Variants in TTBK2 observed in about 807,000 individuals in gnomAD.
TTBK2 encodes tau tubulin kinase 2.
In TTBK2, 28 loss-of-function variants were observed where a neutral mutation model predicts 110.8. The observed-to-expected ratio is 0.25, with a 90% CI of 0.19 to 0.35. The LOEUF is 0.35. Among genes scored for constraint, TTBK2 ranks in the 10% least tolerant of loss-of-function variants. The probability of loss-of-function intolerance (pLI) is 1.00; values close to 1 mark genes in which losing one functional copy is unlikely to be tolerated. For synonymous variants in TTBK2, 532 were observed against 527.3 expected (o/e 1.01, Z -0.12); for missense variants, 1,369 against 1,500.3 (o/e 0.91, Z 1.45).
At position 42,793,990 on chromosome 15, in the gene TTBK2, A is replaced by T. The variant is rs1272109320; in HGVS notation, c.980+654T>A. Among the ~76,000 whole-genome samples, 4 of 151,058 alleles carry T rather than the reference A, an allele frequency of 2.6e-5. No homozygotes were observed. In the East Asian group the frequency reaches 7.7e-4, roughly 29 times the overall value. On this transcript the variant is annotated intron_variant, in intron 10 of 14. Coordinates refer to ENST00000267890, the MANE Select transcript of TTBK2 (RefSeq NM_173500.4). ...GAGTGTAGTGGCACAATCATAGCCCACTGCAGCCTCTAACTCCTGGGCTCA... is the reference window on the plus strand; with the variant it reads ...GAGTGTAGTGGCACAATCATAGCCCTCTGCAGCCTCTAACTCCTGGGCTCA...
intron 3 of TTBK2, among the ~76,000 whole-genome samples, chr15:42,848,015 T>C (rs1893539958): frequency 6.6e-6 from 1 of 152,050 alleles, no homozygotes; most frequent in African/African-American, 2.4e-5. Context: ...TTGAGTTTAT[T>C]TTTTTTTCTT....
At chr15:42,894,779 C>A (rs1669324986) in intron 1 of TTBK2, among the ~76,000 whole-genome samples, 1 of 151,972 alleles carries the variant, frequency 6.6e-6, no homozygotes, top group African/African-American at 2.4e-5. Context: ...ATAAGAGACC[C>A]ATATCCCTTA....
At chr15:42,844,657 T>C (rs552412333) in intron 3 of TTBK2, among the ~76,000 whole-genome samples, 2 of 152,344 alleles carry the variant, frequency 1.3e-5, no homozygotes, top group East Asian at 3.9e-4. Flanking sequence ...ATCCTGCCAA[T>C]AATGTAAGTA....
chr15:42,866,603 A>C (rs1450694199), intron 3 of TTBK2, among the ~76,000 whole-genome samples: 1 of 152,232 alleles, frequency 6.6e-6, no homozygotes, highest in Non-Finnish European at 1.5e-5. Context: ...AACCAATGAC[A>C]GCAGAATACA....
chr15:42,810,444 G>A (rs1219922989), intron 9 of TTBK2, among the ~76,000 whole-genome samples, 170 bp downstream of exon 9: 1 of 152,092 alleles, frequency 6.6e-6, no homozygotes. Flanking sequence ...TAACACACAC[G>A]CTGACACTCT....
intron 13 of TTBK2, among the ~76,000 whole-genome samples, chr15:42,766,340 T>A (rs1889369891): frequency 6.9e-6 from 1 of 145,842 alleles, no homozygotes; most frequent in South Asian, 2.1e-4. Context: ...GGATAAAGAG[T>A]CAAGACCCAT....
At chr15:42,767,325 G>A (rs1001471652) in intron 13 of TTBK2, among the ~76,000 whole-genome samples, 1 of 152,110 alleles carries the variant, frequency 6.6e-6, no homozygotes, top group Non-Finnish European at 1.5e-5. Context: ...GAATCCAGGA[G>A]CTGGTTTTTT....
chr15:42,773,080 G>C (rs1028736646), intron 13 of TTBK2, among the ~76,000 whole-genome samples: 1 of 152,128 alleles, frequency 6.6e-6, no homozygotes, highest in Non-Finnish European at 1.5e-5. Context: ...ACTCATGCCT[G>C]TAGTCCTAGT....
chr15:42,801,565 C>G (rs1891204953), intron 9 of TTBK2: 1 of 768,272 alleles, frequency 1.3e-6, no homozygotes, highest in Non-Finnish European at 2.4e-6. Context: ...TATACTTGAT[C>G]TAGTACATGC....
At chr15:42,777,291 C>T (rs1047645052) in intron 11 of TTBK2, 49 bp from the exon 12 acceptor site, 12 of 1,557,368 alleles carry the variant, frequency 7.7e-6, no homozygotes, top group Non-Finnish European at 1.1e-5. Flanking sequence ...AGGCAACACA[C>T]ATGAGAGGAA....
chr15:42,903,695 C>A (rs544236362), intron 1 of TTBK2, among the ~76,000 whole-genome samples: 4 of 152,188 alleles, frequency 2.6e-5, no homozygotes, highest in Admixed American at 1.3e-4. Flanking sequence ...AAAAATGGCT[C>A]TCAATGACCC....
intron 10 of TTBK2, among the ~76,000 whole-genome samples, chr15:42,792,500 A>G (rs930240094): frequency 6.6e-6 from 1 of 152,070 alleles, no homozygotes; most frequent in Non-Finnish European, 1.5e-5. Context: ...GAAATTCATC[A>G]TCTGATCTAT....
At chr15:42,874,759 G>A (rs368811681) in intron 2 of TTBK2, among the ~76,000 whole-genome samples, 31 of 151,102 alleles carry the variant, frequency 2.1e-4, no homozygotes, top group African/African-American at 3.6e-4. Context: ...AGGCCGAGGC[G>A]GGCGGATCAT....
intron 2 of TTBK2, among the ~76,000 whole-genome samples, chr15:42,878,270 C>T (rs1424990884): frequency 2.0e-5 from 3 of 151,892 alleles, no homozygotes; most frequent in Non-Finnish European, 4.4e-5. Flanking sequence ...GCGAGAGCCA[C>T]TGCGCCCGGC....
chr15:42,871,965 A>G (rs571883142), intron 3 of TTBK2, among the ~76,000 whole-genome samples: 2 of 152,314 alleles, frequency 1.3e-5, no homozygotes. Context: ...ATCAGAGAGT[A>G]TGTCATTAAG....
intron 1 of TTBK2, among the ~76,000 whole-genome samples, chr15:42,881,779 G>C (rs541728497): frequency 6.6e-6 from 1 of 151,936 alleles, no homozygotes; most frequent in Non-Finnish European, 1.5e-5. Context: ...GCTGAGGCAG[G>C]AGAATCGCTT....
intron 13 of TTBK2, among the ~76,000 whole-genome samples, chr15:42,763,124 A>ATG (rs2062060879): frequency 1.9e-5 from 2 of 107,612 alleles, no homozygotes; most frequent in Admixed American, 9.7e-5. Context: ...ATATACACAT[A>ATG]TATATACATA....
chr15:42,893,850 T>C (rs1402018943), intron 1 of TTBK2, among the ~76,000 whole-genome samples: 3 of 152,182 alleles, frequency 2.0e-5, no homozygotes, highest in Non-Finnish European at 2.9e-5. Context: ...AACAACATTA[T>C]ACACAGAAAG....
chr15:42,797,911 T>G (rs1891016796), intron 9 of TTBK2, among the ~76,000 whole-genome samples: 1 of 151,954 alleles, frequency 6.6e-6, no homozygotes, highest in Non-Finnish European at 1.5e-5. Context: ...TGAGACGGAG[T>G]CTCACTTTCT....
Sources: gnomAD v4.1 joint callset for allele counts (sites outside exome capture counted in the v4.1 genomes callset) on GRCh38, gnomAD v4.1.1 for gene constraint, MANE v1.5 for transcripts, NCBI Gene and HGNC (gene_info 2026-07-23, HGNC 2026-07-21) for gene names.